The following URB1 variants were observed in gnomAD, a reference collection of about 807,000 sequenced individuals.
URB1 encodes the protein URB1 ribosome biogenesis factor.
URB1 carries 197 observed loss-of-function variants against 242.3 expected under a neutral mutation model. The observed-to-expected ratio is 0.81, with a 90% CI of 0.72 to 0.91. URB1 has a LOEUF of 0.91. Among genes scored for constraint, URB1 ranks in the 40% least tolerant of loss-of-function variants. The pLI, the probability that URB1 is intolerant of heterozygous loss-of-function variation, is 0.00. For synonymous variants in URB1, 1,153 were observed against 1,201.8 expected (o/e 0.96, Z 0.84); for missense variants, 2,721 against 2,860.5 (o/e 0.95, Z 1.11).
At chr21:32,363,098 T>C (rs1425187021) in intron 11 of URB1, 58 bp downstream of exon 11, 6 of 1,515,330 alleles carry the variant, frequency 4.0e-6, no homozygotes, top group Non-Finnish European at 5.3e-6. Context: ...GGCTGCAGAA[T>C]GGCCTTTTCC....
Position 32,321,819 on chromosome 21 carries a change from C to T in URB1, c.5466G>A (p.Leu1822=), listed in dbSNP as rs2032769705. ...HIILSFFHSP[L]CDEAAQNWIL... ...CATGTACCTGTGCTGCCTCGTCACA[C>T]AGCGGGCTGTGGAAGAAGGACAGGA... The change falls in exon 34 of 39, where the codon CTG becomes CTA. Residue 1822 remains leucine, a synonymous_variant. Coordinates refer to ENST00000382751, the MANE Select transcript of URB1 (RefSeq NM_014825.3). 1 of 1,551,720 alleles carries T rather than the reference C, an allele frequency of 6.4e-7. No homozygotes were observed. The highest frequency in any genetic ancestry group is 8.7e-7 in the Non-Finnish European group (1 of 1,147,000).
chr21:32,346,987 C>T lies in URB1; in HGVS notation c.3837G>A (p.Arg1279=). 1 of 1,533,032 alleles carries T rather than the reference C, an allele frequency of 6.5e-7. No homozygotes were observed. Among genetic ancestry groups the T allele is most frequent in the Non-Finnish European group, 8.8e-7 (1 of 1,133,640 alleles). 95.0% of individuals were successfully genotyped at this position (1,533,032 alleles called of 1,614,324 possible). A position where few individuals can be genotyped will look rare whatever the true frequency, so the allele number is the denominator to read the frequency against. The change falls in exon 22 of 39, where the codon AGG becomes AGA. Residue 1279 remains arginine (R), a synonymous_variant. Coordinates refer to ENST00000382751, the MANE Select transcript of URB1 (RefSeq NM_014825.3). ...CTGGGCGTGTGAAGTGGCTCCGTGT[C>T]CTGCACTGGAGGTACACATGGATGA... The part of the protein sequence containing the change: ...LPLIHVYLQC[R]TRSHFTRPAG...
At position 32,324,544 on chromosome 21, in the gene URB1, G is replaced by A; in HGVS notation, c.5180C>T (p.Thr1727Ile). The change falls in exon 32 of 39, where the codon ACT becomes ATT. Residue 1727 changes from threonine to isoleucine, a missense_variant. Physicochemically the swap from Thr to Ile is moderately conservative, Grantham distance 89. Transcript: ENST00000382751. Reference protein sequence around the residue: ...NGIRTQDMRLTFTLALFIAKA... With the variant: ...NGIRTQDMRLIFTLALFIAKA... Reference sequence around the variant, plus strand: ...GGCAATGAAGAGAGCCAAGGTAAAAGTAAGTCTCATGTCCTGAGTTCGAAT... The same window carrying A: ...GGCAATGAAGAGAGCCAAGGTAAAAATAAGTCTCATGTCCTGAGTTCGAAT... 18 of 1,551,908 alleles carry A rather than the reference G, an allele frequency of 1.2e-5. No individual in the cohort carries two copies. The highest frequency in any genetic ancestry group is 1.6e-5 in the Non-Finnish European group (18 of 1,147,028).
chr21:32,361,804 C>T (rs1428688557), intron 12 of URB1, 88 bp downstream of exon 12: 2 of 1,465,904 alleles, frequency 1.4e-6, no homozygotes, highest in Non-Finnish European at 1.8e-6. Context: ...TGCTCCAGGA[C>T]TCTCTGGATA....
chr21:32,342,683 C>CT (rs2033044148), intron 24 of URB1, among the ~76,000 whole-genome samples: 4 of 58 alleles, frequency 0.069, no homozygotes, highest in Non-Finnish European at 0.12. Context: ...CCAGGAAAGC[C>CT]GGAACCCTGG....
At chr21:32,322,429 T>C in intron 33 of URB1, 49 bp downstream of exon 33, 1 of 1,432,988 alleles carries the variant, frequency 7.0e-7, no homozygotes. Flanking sequence ...GGTGGCTGCA[T>C]CATCAATTCA....
At chr21:32,376,428 A>G (rs2033459371) in intron 5 of URB1, among the ~76,000 whole-genome samples, 1 of 152,206 alleles carries the variant, frequency 6.6e-6, no homozygotes, top group Admixed American at 6.5e-5. Flanking sequence ...TTTGTGAAAA[A>G]GGAAAAATCA....
At chr21:32,320,452 C>T (rs1037277203) in intron 35 of URB1, 79 bp downstream of exon 35, 2 of 1,085,576 alleles carry the variant, frequency 1.8e-6, no homozygotes, top group Non-Finnish European at 2.7e-6. Context: ...CAACCAACAA[C>T]AGAGCTGGCA....
chr21:32,384,547 A>C lies in URB1; in HGVS notation c.283-83T>G, dbSNP rs535563654. On this transcript the variant is annotated intron_variant, in intron 2 of 38. Transcript: ENST00000382751. ...TATATGCTCCTTTTGTCTTAGCCAT[A>C]GTTACTTGTAGGCTTAAAGCCTTCA... is the stretch of plus-strand genomic sequence containing the variant. 1,720 of 1,476,128 alleles carry C rather than the reference A, an allele frequency of 1.2e-3. 33 individuals are homozygous for C. In the South Asian group the frequency reaches 0.022, roughly 19 times the overall value. 91.4% of individuals were successfully genotyped at this position (1,476,128 alleles called of 1,614,324 possible). A position where few individuals can be genotyped will look rare whatever the true frequency, so the allele number is the denominator to read the frequency against.
intron 14 of URB1, among the ~76,000 whole-genome samples, 154 bp downstream of exon 14, chr21:32,359,642 G>T (rs1173791933): frequency 6.6e-6 from 1 of 152,178 alleles, no homozygotes; most frequent in Non-Finnish European, 1.5e-5. Context: ...TCATGAATCA[G>T]GACCTCTGCT....
chr21:32,352,524 T>C (rs557366633), intron 19 of URB1, among the ~76,000 whole-genome samples, 186 bp downstream of exon 19: 1 of 152,320 alleles, frequency 6.6e-6, no homozygotes, highest in South Asian at 2.1e-4. Flanking sequence ...TCCTGTGTGT[T>C]CAGTTATGTT....
intron 21 of URB1, 26 bp from the exon 22 acceptor site, chr21:32,347,837 C>T (rs753845944): frequency 6.9e-5 from 105 of 1,523,970 alleles, no homozygotes; most frequent in South Asian, 2.8e-4. Flanking sequence ...GAGGCACAGA[C>T]GTCACATAGA....
chr21:32,378,612 G>A, intron 4 of URB1, 71 bp from the exon 5 acceptor site: 3 of 1,263,380 alleles, frequency 2.4e-6, no homozygotes, highest in South Asian at 2.6e-5. Flanking sequence ...GCAACACAGT[G>A]GCCAAGCACA....
In URB1 at chr21:32,383,290, A is replaced by G; in HGVS notation, c.567+132T>C. The G allele has an allele frequency of 3.3e-6, 4 of 1,204,132 alleles. No individual in the cohort carries two copies. In the East Asian group the frequency reaches 1.1e-4, roughly 34 times the overall value. 74.6% of individuals were successfully genotyped at this position (1,204,132 alleles called of 1,614,324 possible). A position where few individuals can be genotyped will look rare whatever the true frequency, so the allele number is the denominator to read the frequency against. ...ACAGACAGATCCTGTGGCTGCTGAC[A>G]CACACCTTTCTACATAGACACCTCT... On this transcript the variant is annotated intron_variant, in intron 4 of 38. Transcript: ENST00000382751.
intron 10 of URB1, among the ~76,000 whole-genome samples, chr21:32,363,938 G>T (rs1342005190): frequency 3.3e-5 from 5 of 151,498 alleles, no homozygotes; most frequent in Admixed American, 2.6e-4. Context: ...TTATGAGTGT[G>T]AACCACTGTG....
At position 32,355,409 on chromosome 21, in the gene URB1, T is replaced by A. The variant is rs1437124749; in HGVS notation, c.2106+40A>T. On this transcript the variant is annotated intron_variant, in intron 16 of 38. Coordinates refer to ENST00000382751, the MANE Select transcript of URB1 (RefSeq NM_014825.3). ...TGACGCTAAGAAGTTAATATAATTA[T>A]CTCTGAGCATGTTCCTTTATGTGGG... 2.6e-6 allele frequency: 4 copies of A among 1,513,436 alleles called. No individual in the cohort carries two copies. In the East Asian group the frequency reaches 7.4e-5, roughly 28 times the overall value. The allele number at this position is 1,513,436 out of a possible 1,614,324, so 93.8% of individuals were successfully genotyped here. A position where few individuals can be genotyped will look rare whatever the true frequency, so the allele number is the denominator to read the frequency against.
chr21:32,367,803 C>T (rs542536645), intron 9 of URB1, among the ~76,000 whole-genome samples: 240 of 152,164 alleles, frequency 1.6e-3, no homozygotes, highest in Non-Finnish European at 2.3e-3. Context: ...AATCGGGCAA[C>T]TCATCAATCC....
In URB1 at chr21:32,346,971, T is replaced by C; in HGVS notation, c.3853A>G (p.Thr1285Ala). The change falls in exon 22 of 39, where the codon ACA (threonine) becomes GCA (alanine). Residue 1285 changes from threonine to alanine, a missense_variant. Thr to Ala is a moderately conservative substitution (Grantham distance 58). Transcript: ENST00000382751. ...YLQCRTRSHFTRPAGVSSAVI... is the reference protein window; with the variant it reads ...YLQCRTRSHFARPAGVSSAVI... ...TTTCCCTTACCTCCTGCTGGGCGTG[T>C]GAAGTGGCTCCGTGTCCTGCACTGG... 1.3e-6 allele frequency: 2 copies of C among 1,513,362 alleles called. No individual in the cohort carries two copies. The highest frequency in any genetic ancestry group is 1.2e-5 in the South Asian group (1 of 80,174). 93.7% of individuals were successfully genotyped at this position (1,513,362 alleles called of 1,614,324 possible).
chr21:32,323,531 A>C (rs1348886086), intron 32 of URB1, among the ~76,000 whole-genome samples: 1 of 152,232 alleles, frequency 6.6e-6, no homozygotes, highest in Non-Finnish European at 1.5e-5. Flanking sequence ...AGCGTGGATT[A>C]CACATGTGCA....
Sources: gnomAD v4.1 joint callset for allele counts (sites outside exome capture counted in the v4.1 genomes callset) on GRCh38, gnomAD v4.1.1 for gene constraint, MANE v1.5 for transcripts, NCBI Gene and HGNC (gene_info 2026-07-23, HGNC 2026-07-21) for gene names.